The following CNTLN variants were observed in gnomAD, a reference collection of about 807,000 sequenced individuals.
The protein encoded by CNTLN is centlein.
In CNTLN, 212 loss-of-function variants were observed where a neutral mutation model predicts 180.0. That is an observed-to-expected ratio of 1.18 (90% CI 1.05 to 1.32). The LOEUF is 1.32. Ranked by LOEUF, CNTLN falls within the 40% of genes most tolerant of loss-of-function variation. The pLI, the probability that CNTLN is intolerant of heterozygous loss-of-function variation, is 0.00. For synonymous variants in CNTLN, 722 were observed against 563.1 expected, an observed-to-expected ratio of 1.28 and a Z score of -3.99; for missense variants, 2,095 against 1,610.9, an observed-to-expected ratio of 1.30 and a Z score of -5.14.
chr9:17,135,620 C>T (rs1817659361), intron 1 of CNTLN, among the ~76,000 whole-genome samples, 195 bp downstream of exon 1: 2 of 152,094 alleles, frequency 1.3e-5, no homozygotes, highest in Non-Finnish European at 2.9e-5. Flanking sequence ...CGGGCCCCTG[C>T]CCCTTTCCGA....
rs1415591135 is a variant in CNTLN at position 17,217,445 on chromosome 9, T to TCA, written c.450-8758_450-8757insCA. Reference sequence around the variant, plus strand: ...ATTGTAGTCAAGCCTGAGTGAACAGTGGCCTGTGGGAATTCAGCTGGTGTT... The same window carrying TCA: ...ATTGTAGTCAAGCCTGAGTGAACAGTCAGGCCTGTGGGAATTCAGCTGGTGTT... On this transcript the variant is annotated intron_variant, in intron 2 of 25. Coordinates refer to ENST00000380647, the MANE Select transcript of CNTLN (RefSeq NM_017738.4). Among the ~76,000 whole-genome samples, 40 of 152,360 alleles carry TCA rather than the reference T, an allele frequency of 2.6e-4. No homozygotes were observed. The South Asian group carries it at 8.1e-3, about 31-fold the overall frequency.
chr9:17,461,903 AG>A (rs1369878454), intron 19 of CNTLN, among the ~76,000 whole-genome samples: 2 of 151,788 alleles, frequency 1.3e-5, no homozygotes, highest in Non-Finnish European at 2.9e-5. Context: ...CAAAATTGAA[AG>A]GTGTTCTAAC....
intron 8 of CNTLN, among the ~76,000 whole-genome samples, chr9:17,324,011 G>A (rs1760697652): frequency 6.6e-6 from 1 of 152,144 alleles, no homozygotes; most frequent in Admixed American, 6.5e-5. Flanking sequence ...GGCTATTATG[G>A]AATGCATAGT....
At chr9:17,427,839 C>T (rs905018801) in intron 18 of CNTLN, among the ~76,000 whole-genome samples, 1 of 152,134 alleles carries the variant, frequency 6.6e-6, no homozygotes, top group Non-Finnish European at 1.5e-5. Flanking sequence ...AATTTGGCTG[C>T]ATAGTAACCC....
chr9:17,283,828 C>T (rs966244579), intron 6 of CNTLN, among the ~76,000 whole-genome samples: 1 of 151,972 alleles, frequency 6.6e-6, no homozygotes, highest in Admixed American at 6.6e-5. Context: ...TTATCGAAGG[C>T]CTTTTCTGTG....
intron 8 of CNTLN, among the ~76,000 whole-genome samples, chr9:17,324,940 A>T (rs1026755314): frequency 6.6e-6 from 1 of 151,960 alleles, no homozygotes; most frequent in Non-Finnish European, 1.5e-5. Flanking sequence ...TATTTTGTGA[A>T]TTACAAATGC....
At chr9:17,490,207 G>A (rs1362961118) in intron 25 of CNTLN, among the ~76,000 whole-genome samples, 1 of 152,106 alleles carries the variant, frequency 6.6e-6, no homozygotes, top group Non-Finnish European at 1.5e-5. Flanking sequence ...AGGATGGTTG[G>A]AGAGAGGAGA....
chr9:17,162,263 C>T (rs1819733956), intron 2 of CNTLN, among the ~76,000 whole-genome samples: 1 of 152,076 alleles, frequency 6.6e-6, no homozygotes, highest in African/African-American at 2.4e-5. Flanking sequence ...TACAGACACC[C>T]ACCACCGTGC....
chr9:17,279,835 C>CATGAAGGCTT (rs1460626020), intron 6 of CNTLN, among the ~76,000 whole-genome samples: 8 of 46,166 alleles, frequency 1.7e-4, no homozygotes, highest in Non-Finnish European at 3.1e-4. Flanking sequence ...ACATTGGGCT[C>CATGAAGGCTT]TGCCTTCATG....
In CNTLN at chr9:17,222,289, C is replaced by G. The variant is rs1017146912; in HGVS notation, c.450-3914C>G. Reference sequence around the variant, plus strand: ...ATTAGGCTTTGTAATCACCATCCTTCTAAAATAGTTCTTGTCAAGATATCA... The same window carrying G: ...ATTAGGCTTTGTAATCACCATCCTTGTAAAATAGTTCTTGTCAAGATATCA... On this transcript the variant is annotated intron_variant, in intron 2 of 25. Coordinates refer to ENST00000380647, the MANE Select transcript of CNTLN (RefSeq NM_017738.4). Among the ~76,000 whole-genome samples, 8 of 152,008 alleles carry G rather than the reference C, an allele frequency of 5.3e-5. No individual in the cohort carries two copies. In the South Asian group the frequency reaches 8.3e-4, roughly 16 times the overall value.
chr9:17,290,654 C>T (rs1163689310), intron 6 of CNTLN, among the ~76,000 whole-genome samples: 1 of 149,334 alleles, frequency 6.7e-6, no homozygotes, highest in Non-Finnish European at 1.5e-5. Flanking sequence ...TGCTAGCAAT[C>T]AGCGAGACTC....
chr9:17,376,330 G>A (rs1271186401), intron 13 of CNTLN, among the ~76,000 whole-genome samples: 2 of 151,266 alleles, frequency 1.3e-5, no homozygotes, highest in African/African-American at 4.9e-5. Context: ...ACTTACATTC[G>A]AGCAGTAAGA....
chr9:17,504,960 A>C (rs1833905885), downstream of CNTLN, among the ~76,000 whole-genome samples: 1 of 152,176 alleles, frequency 6.6e-6, no homozygotes. Context: ...AAACAAATAG[A>C]ATTTGCCAGA....
chr9:17,371,327 C>G (rs532353571), intron 13 of CNTLN, among the ~76,000 whole-genome samples: 18 of 152,212 alleles, frequency 1.2e-4, no homozygotes, highest in South Asian at 4.2e-4. Context: ...AGTAGCTATA[C>G]TTATATCAGA....
chr9:17,463,195 T>G (rs943379769), intron 20 of CNTLN, among the ~76,000 whole-genome samples, 182 bp downstream of exon 20: 10 of 151,644 alleles, frequency 6.6e-5, no homozygotes, highest in Admixed American at 2.0e-4. Context: ...AGCTATTTAC[T>G]TTTTTAAATT....
chr9:17,295,513 C>G (rs1466480597), intron 6 of CNTLN, among the ~76,000 whole-genome samples: 1 of 152,140 alleles, frequency 6.6e-6, no homozygotes, highest in Non-Finnish European at 1.5e-5. Context: ...GTTGTGCCAG[C>G]TGCCTAGTCA....
chr9:17,337,047 C>T (rs140010976), intron 10 of CNTLN, among the ~76,000 whole-genome samples: 1,916 of 152,154 alleles, frequency 0.013, 50 homozygotes, highest in African/African-American at 0.044. Context: ...GTTTTGATTT[C>T]CATAATGACC....
intron 1 of CNTLN, among the ~76,000 whole-genome samples, chr9:17,138,566 G>A (rs1586884913): frequency 1.3e-5 from 2 of 152,160 alleles, no homozygotes; most frequent in Non-Finnish European, 1.5e-5. Flanking sequence ...AACTTACTGT[G>A]TAATTCCACC....
At chr9:17,235,868 A>G in intron 4 of CNTLN, 76 bp downstream of exon 4, 1 of 1,459,588 alleles carries the variant, frequency 6.9e-7, no homozygotes, top group Non-Finnish European at 9.2e-7. Context: ...CCTTTGTGGC[A>G]CAGAAAGTGA....
Sources: allele counts gnomAD v4.1 joint callset (sites outside exome capture counted in the v4.1 genomes callset), GRCh38; gene constraint gnomAD v4.1.1; transcripts MANE v1.5; gene names NCBI Gene and HGNC (gene_info 2026-07-23, HGNC 2026-07-21).